The following TRHDE variants were observed in gnomAD, a reference collection of about 807,000 sequenced individuals.
TRHDE encodes the protein thyrotropin-releasing hormone-degrading ectoenzyme.
Under a neutral mutation model 125.7 loss-of-function variants are expected in TRHDE, and 72 were observed. The observed-to-expected ratio is 0.57, with a 90% CI of 0.47 to 0.70. The LOEUF is 0.70. Ranked by LOEUF, TRHDE falls within the 30% of genes least tolerant of loss-of-function variation. TRHDE has a pLI of 0.00. For synonymous variants in TRHDE, 509 were observed against 509.1 expected, an observed-to-expected ratio of 1.00 and a Z score of 0.00; for missense variants, 1,110 against 1,327.1, an observed-to-expected ratio of 0.84 and a Z score of 2.54.
intron 2 of TRHDE, among the ~76,000 whole-genome samples, chr12:72,242,618 C>G (rs1051184696): frequency 2.8e-4 from 42 of 152,214 alleles, no homozygotes; most frequent in African/African-American, 9.6e-4. Context: ...TGAGATGTTT[C>G]CATCCACACC....
At chr12:72,183,768 CTT>C (rs1877145655) in intron 2 of TRHDE, among the ~76,000 whole-genome samples, 1 of 152,118 alleles carries the variant, frequency 6.6e-6, no homozygotes, top group Non-Finnish European at 1.5e-5. Context: ...CCAGTTAAAA[CTT>C]TGCACAGTTT....
rs141568296 is a variant in TRHDE, at chr12:72,229,434, C to T, written n.279+123682C>T. On this transcript the variant is annotated intron_variant and non_coding_transcript_variant, in intron 2 of 4. Coordinates refer to the TRHDE transcript ENST00000548156. ...TTCAATTACCTCCTACAAGGTCCCA[C>T]TCATGATGTGGGAATTGTGGGAGCT... 3.5e-3 allele frequency among the ~76,000 whole-genome samples: 534 copies of T among 152,274 alleles called. 2 individuals carry two copies. Among genetic ancestry groups the T allele is most frequent in the Non-Finnish European group, 5.5e-3 (376 of 68,030 alleles).
At chr12:72,266,771 A>C (rs1879079527) in intron 2 of TRHDE, among the ~76,000 whole-genome samples, 1 of 152,068 alleles carries the variant, frequency 6.6e-6, no homozygotes, top group African/African-American at 2.4e-5. Flanking sequence ...AAGGTGATGA[A>C]ATGACCTGCG....
At chr12:72,232,361 C>T (rs11179121) in intron 2 of TRHDE, among the ~76,000 whole-genome samples, 6,843 of 152,110 alleles carry the variant, frequency 0.045, 229 homozygotes, top group Non-Finnish European at 0.07. Flanking sequence ...CTAGGGTAAT[C>T]GGGGCAGAGG....
chr12:72,443,816 A>G (rs1875141535), intron 3 of TRHDE, among the ~76,000 whole-genome samples: 1 of 151,774 alleles, frequency 6.6e-6, no homozygotes, highest in Admixed American at 6.6e-5. Context: ...GTGGATTCCA[A>G]GAGAAAAGTA....
intron 2 of TRHDE, among the ~76,000 whole-genome samples, chr12:72,343,599 C>A: frequency 6.6e-6 from 1 of 152,002 alleles, no homozygotes; most frequent in East Asian, 1.9e-4. Flanking sequence ...TTTATGTGTT[C>A]TCTCCTGTTT....
intron 3 of TRHDE, among the ~76,000 whole-genome samples, chr12:72,431,535 G>A (rs1874478210): frequency 6.6e-6 from 1 of 151,958 alleles, no homozygotes; most frequent in Admixed American, 6.6e-5. Context: ...GCCACTATCT[G>A]ATTTCTGTCT....
At chr12:72,580,751 TTTTG>T (rs368714392) in intron 12 of TRHDE, among the ~76,000 whole-genome samples, 20 of 152,204 alleles carry the variant, frequency 1.3e-4, no homozygotes, top group Non-Finnish European at 2.2e-4. Flanking sequence ...TGTTTTTGTT[TTTTG>T]TTTGTTTGTT....
chr12:72,569,207 A>G (rs536325157), intron 10 of TRHDE, among the ~76,000 whole-genome samples: 1 of 152,322 alleles, frequency 6.6e-6, no homozygotes, highest in Admixed American at 6.5e-5. Flanking sequence ...AAATATCTTC[A>G]AATAAGATAG....
chr12:72,374,295 GT>G (rs1565717982), intron 2 of TRHDE, among the ~76,000 whole-genome samples: 5,704 of 63,254 alleles, frequency 0.09, 351 homozygotes, highest in African/African-American at 0.26. Flanking sequence ...AAGGAGAAGT[GT>G]GTGTGTGTGT....
At chr12:72,537,956 T>G (rs1218313362) in intron 6 of TRHDE, among the ~76,000 whole-genome samples, 12 of 152,210 alleles carry the variant, frequency 7.9e-5, no homozygotes, top group African/African-American at 2.2e-4. Context: ...TTATTTCCCT[T>G]TTCTGCCTCA....
chr12:72,576,128 C>T (rs1870982124), intron 12 of TRHDE, among the ~76,000 whole-genome samples: 1 of 152,014 alleles, frequency 6.6e-6, no homozygotes. Context: ...AAATGTTGCT[C>T]ATAAACTGAA....
At chr12:72,601,487 G>C (rs1248631237) in intron 12 of TRHDE, among the ~76,000 whole-genome samples, 1 of 152,122 alleles carries the variant, frequency 6.6e-6, no homozygotes, top group Non-Finnish European at 1.5e-5. Flanking sequence ...AGTATGGTTT[G>C]AGAGGATTAA....
At position 72,099,579 on chromosome 12, in the gene TRHDE, G is replaced by A. The variant is rs564947931; in HGVS notation, n.175-6069G>A. ...ACTCAGCTATATATCAAGAAAATCC[G>A]ATGAATGCCAGCCTTCATATCTCTC... On this transcript the variant is annotated intron_variant and non_coding_transcript_variant, in intron 1 of 4. Coordinates refer to the TRHDE transcript ENST00000548156. Among the ~76,000 whole-genome samples, 12 of 152,232 alleles carry A rather than the reference G, an allele frequency of 7.9e-5. No homozygotes were observed. In the East Asian group the frequency reaches 1.2e-3, roughly 15 times the overall value.
chr12:72,223,892 C>T (rs1878048794), intron 2 of TRHDE, among the ~76,000 whole-genome samples: 1 of 151,738 alleles, frequency 6.6e-6, no homozygotes, highest in South Asian at 2.1e-4. Flanking sequence ...GAGATCCTTG[C>T]TAAGAAAGGG....
At chr12:72,249,467 G>C (rs1055122897) in intron 2 of TRHDE, among the ~76,000 whole-genome samples, 5 of 152,142 alleles carry the variant, frequency 3.3e-5, no homozygotes, top group Non-Finnish European at 5.9e-5. Context: ...CAGGAGGGTT[G>C]GTTGAGCCCT....
intron 2 of TRHDE, among the ~76,000 whole-genome samples, chr12:72,232,362 G>A (rs143996758): frequency 8.9e-4 from 136 of 152,198 alleles, no homozygotes; most frequent in African/African-American, 3.1e-3. Context: ...TAGGGTAATC[G>A]GGGCAGAGGA....
intron 3 of TRHDE, among the ~76,000 whole-genome samples, chr12:72,402,202 A>G (rs554525722): frequency 6.6e-6 from 1 of 152,050 alleles, no homozygotes; most frequent in African/African-American, 2.4e-5. Context: ...TCCCTGGGCC[A>G]TGTTGGAAGA....
chr12:72,296,907 A>C (rs1880321507), intron 2 of TRHDE, among the ~76,000 whole-genome samples: 1 of 152,132 alleles, frequency 6.6e-6, no homozygotes, highest in African/African-American at 2.4e-5. Flanking sequence ...GGGGTAAGAA[A>C]ATTATTTATG....
Sources: gnomAD v4.1 joint callset for allele counts (sites outside exome capture counted in the v4.1 genomes callset) on GRCh38, gnomAD v4.1.1 for gene constraint, MANE v1.5 for transcripts, NCBI Gene and HGNC (gene_info 2026-07-23, HGNC 2026-07-21) for gene names.